The following CNTN5 variants were observed in gnomAD, a reference collection of about 807,000 sequenced individuals.
CNTN5 encodes the protein contactin 5.
A neutral mutation model predicts 129.1 loss-of-function variants in CNTN5; 77 were observed. That is an observed-to-expected ratio of 0.60 (90% CI 0.50 to 0.72). The LOEUF (loss-of-function observed/expected upper bound fraction) is 0.72, where lower values mean the gene tolerates loss of function less well. CNTN5 is among the 30% of genes least tolerant of loss of function. CNTN5 has a pLI of 0.00. For synonymous variants in CNTN5, 509 were observed against 465.6 expected (o/e 1.09, Z -1.20); for missense variants, 1,478 against 1,328.8 (o/e 1.11, Z -1.75).
chr11:99,592,888 T>C (rs1020144432), intron 3 of CNTN5, among the ~76,000 whole-genome samples: 2 of 152,118 alleles, frequency 1.3e-5, no homozygotes, highest in Non-Finnish European at 2.9e-5. Context: ...TAACAGAGGA[T>C]GTGGAGCTTA....
chr11:99,434,580 A>G (rs1012190385), intron 2 of CNTN5, among the ~76,000 whole-genome samples: 2 of 152,180 alleles, frequency 1.3e-5, no homozygotes, highest in African/African-American at 4.8e-5. Flanking sequence ...TGTGTTAAGC[A>G]ATAACATACG....
At chr11:99,073,822 G>A (rs1865445011) in intron 1 of CNTN5, among the ~76,000 whole-genome samples, 1 of 152,002 alleles carries the variant, frequency 6.6e-6, no homozygotes, top group Non-Finnish European at 1.5e-5. Context: ...TGTAAATAGT[G>A]CTGCAGTAAA....
intron 15 of CNTN5, among the ~76,000 whole-genome samples, chr11:100,203,485 T>C (rs1001248912): frequency 1.3e-5 from 2 of 152,026 alleles, no homozygotes; most frequent in African/African-American, 4.8e-5. Flanking sequence ...TCTTAATAAG[T>C]ATGCATTTAC....
At chr11:99,437,357 T>A (rs1943639910) in intron 2 of CNTN5, among the ~76,000 whole-genome samples, 1 of 152,170 alleles carries the variant, frequency 6.6e-6, no homozygotes. Flanking sequence ...CATCTATAAT[T>A]TGACTTCATA....
intron 1 of CNTN5, among the ~76,000 whole-genome samples, chr11:99,150,704 GA>G (rs955111459): frequency 6.6e-6 from 1 of 151,920 alleles, no homozygotes; most frequent in Admixed American, 6.6e-5. Flanking sequence ...TTTTTGTTGT[GA>G]AAAAAATAGC....
In CNTN5 at chr11:99,689,255, T is replaced by C. The variant is rs190566991; in HGVS notation, c.56-130289T>C. Among the ~76,000 whole-genome samples, 107 of 152,068 alleles carry C rather than the reference T, an allele frequency of 7.0e-4. 1 individual carries two copies. In the East Asian group the frequency reaches 0.01, roughly 15 times the overall value. The stretch of plus-strand genomic sequence containing the variant: ...TAAAAGCATTCCTGAGGGCCGGGCG[T>C]GGTGGCTCACGCCTGTAATCCCAGC... On this transcript the variant is annotated intron_variant, in intron 3 of 24. Transcript: ENST00000524871.
intron 16 of CNTN5, among the ~76,000 whole-genome samples, chr11:100,228,133 A>G (rs538412380): frequency 1.3e-5 from 2 of 152,322 alleles, no homozygotes; most frequent in Non-Finnish European, 2.9e-5. Context: ...ATAAAAATTC[A>G]CTTTCTCATA....
chr11:100,150,394 T>C (rs550338006), intron 13 of CNTN5, among the ~76,000 whole-genome samples: 1 of 145,062 alleles, frequency 6.9e-6, no homozygotes, highest in Admixed American at 7.4e-5. Context: ...AGATCAATAC[T>C]AAGATTTCAA....
chr11:100,129,431 A>G (rs1285430810), intron 13 of CNTN5, among the ~76,000 whole-genome samples: 1 of 152,054 alleles, frequency 6.6e-6, no homozygotes, highest in Non-Finnish European at 1.5e-5. Flanking sequence ...CCATTTTTAC[A>G]CTTATACACA....
chr11:100,305,736 G>T (rs962184578), intron 20 of CNTN5, among the ~76,000 whole-genome samples: 3 of 151,400 alleles, frequency 2.0e-5, no homozygotes, highest in Admixed American at 2.0e-4. Context: ...ATGTTCACTT[G>T]GGTATAAATA....
chr11:99,198,030 G>A (rs1445322741), intron 1 of CNTN5, among the ~76,000 whole-genome samples: 1 of 151,986 alleles, frequency 6.6e-6, no homozygotes, highest in Non-Finnish European at 1.5e-5. Flanking sequence ...AGAATTCGCT[G>A]GTATCTTCTA....
chr11:99,549,906 G>A (rs998954486), intron 2 of CNTN5, among the ~76,000 whole-genome samples: 3 of 151,872 alleles, frequency 2.0e-5, no homozygotes, highest in Non-Finnish European at 2.9e-5. Context: ...AAGTAATCTC[G>A]AACCATACTT....
intron 2 of CNTN5, among the ~76,000 whole-genome samples, chr11:99,482,683 A>G (rs1334115206): frequency 1.3e-5 from 2 of 152,170 alleles, no homozygotes; most frequent in Non-Finnish European, 2.9e-5. Flanking sequence ...CAAACTATAA[A>G]AATCCTAGAA....
chr11:100,285,719 T>C (rs17094762), intron 18 of CNTN5, among the ~76,000 whole-genome samples: 2 of 152,316 alleles, frequency 1.3e-5, no homozygotes, highest in South Asian at 4.1e-4. Flanking sequence ...ATTATACACA[T>C]ATTTCTGGCC....
At chr11:99,063,276 C>G (rs1864961695) in intron 1 of CNTN5, among the ~76,000 whole-genome samples, 1 of 152,032 alleles carries the variant, frequency 6.6e-6, no homozygotes, top group Admixed American at 6.6e-5. Flanking sequence ...GCTTCTCTTT[C>G]AGCTGGCAAG....
intron 1 of CNTN5, among the ~76,000 whole-genome samples, chr11:99,307,437 G>T (rs766354614): frequency 8.5e-4 from 129 of 152,122 alleles, no homozygotes; most frequent in Non-Finnish European, 1.6e-3. Flanking sequence ...ACAGTCTAAA[G>T]AAATCTATTC....
At chr11:99,422,475 CT>C (rs535539817) in intron 2 of CNTN5, among the ~76,000 whole-genome samples, 18 of 142,750 alleles carry the variant, frequency 1.3e-4, no homozygotes, top group African/African-American at 4.1e-4. Context: ...GGTTTACATC[CT>C]GATTATTGAA....
At chr11:99,912,317 C>A (rs1297981435) in intron 6 of CNTN5, among the ~76,000 whole-genome samples, 1 of 151,958 alleles carries the variant, frequency 6.6e-6, no homozygotes, top group African/African-American at 2.4e-5. Context: ...TGTTTTTGGT[C>A]ACTCATGAGT....
chr11:99,538,773 C>G (rs1947991993), intron 2 of CNTN5, among the ~76,000 whole-genome samples: 1 of 152,050 alleles, frequency 6.6e-6, no homozygotes, highest in Non-Finnish European at 1.5e-5. Flanking sequence ...ACTGTTTGCC[C>G]ATTTCATGTA....
Sources: allele counts gnomAD v4.1 joint callset (sites outside exome capture counted in the v4.1 genomes callset), GRCh38; gene constraint gnomAD v4.1.1; transcripts MANE v1.5; gene names NCBI Gene and HGNC (gene_info 2026-07-23, HGNC 2026-07-21).